BRD8: variants seen among roughly 807,000 people sequenced by gnomAD.
The protein encoded by BRD8 is bromodomain containing 8.
In BRD8, 67 loss-of-function variants were observed where a neutral mutation model predicts 143.1. The observed-to-expected ratio is 0.47, with a 90% CI of 0.38 to 0.57. The LOEUF is 0.57. Ranked by LOEUF, BRD8 falls within the 20% of genes least tolerant of loss-of-function variation. The pLI, the probability that BRD8 is intolerant of heterozygous loss-of-function variation, is 0.00. For missense variants in BRD8, 1,103 were observed against 1,503.0 expected, an observed-to-expected ratio of 0.73 and a Z score of 4.40; for synonymous variants, 505 against 517.1, an observed-to-expected ratio of 0.98 and a Z score of 0.32.
Position 138,171,136 on chromosome 5 carries a change from T to C in BRD8, c.261A>G (p.Glu87=). The C allele has an allele frequency of 6.2e-7, 1 of 1,612,620 alleles. No individual in the cohort carries two copies. The highest frequency in any genetic ancestry group is 1.1e-5 in the South Asian group (1 of 90,484). The change falls in exon 5 of 27, where the codon GAA becomes GAG. Residue 87 remains glutamate, a synonymous_variant. Coordinates refer to ENST00000254900, the MANE Select transcript of BRD8 (RefSeq NM_139199.2). ...TAACATCTTCAACAGTTTCCACCAC[T>C]TCTCCCTTTTCACCTCGTTTCCGTC... ...TPKRKRGEKG[E]VVETVEDVIV... is the part of the protein sequence containing the mutation.
At chr5:138,144,575 T>G (rs188595841) in intron 25 of BRD8, among the ~76,000 whole-genome samples, 2 of 152,256 alleles carry the variant, frequency 1.3e-5, no homozygotes, top group East Asian at 3.9e-4. Context: ...AAAAGAATAG[T>G]GTCAAAAACA....
intron 10 of BRD8, 169 bp downstream of exon 10, chr5:138,166,349 C>G: frequency 1.6e-6 from 1 of 621,704 alleles, no homozygotes; most frequent in Non-Finnish European, 2.8e-6. Flanking sequence ...TGCCCACCCA[C>G]CTCTTCTCAC....
At chr5:138,178,566 C>G (rs1440681099) in intron 1 of BRD8, 30 bp downstream of exon 1, 2 of 1,609,372 alleles carry the variant, frequency 1.2e-6, no homozygotes, top group Non-Finnish European at 1.7e-6. Flanking sequence ...CTACAAAGGC[C>G]TTTCACGCAA....
At chr5:138,162,199 A>G in intron 15 of BRD8, 53 bp from the exon 16 acceptor site, 1 of 1,395,208 alleles carries the variant, frequency 7.2e-7, no homozygotes, top group South Asian at 1.3e-5. Context: ...AATAAAAATT[A>G]TAATTCTCTT....
At chr5:138,161,593 AGCCACC>A (rs1312251204) in intron 17 of BRD8, among the ~76,000 whole-genome samples, 197 bp downstream of exon 17, 1 of 152,222 alleles carries the variant, frequency 6.6e-6, no homozygotes, top group Non-Finnish European at 1.5e-5. Flanking sequence ...TACAGGCGTG[AGCCACC>A]GCTCCTGGTG....
At chr5:138,163,605 G>A in intron 14 of BRD8, 1 of 1,435,618 alleles carries the variant, frequency 7.0e-7, no homozygotes, top group Non-Finnish European at 9.2e-7. Context: ...AAGCTAAGAG[G>A]CGTTCCTTCT....
Position 138,167,937 on chromosome 5 carries a change from A to G in BRD8, c.784T>C (p.Ser262Pro), listed in dbSNP as rs570104338. 3 of 1,613,544 alleles carry G rather than the reference A, an allele frequency of 1.9e-6. No individual in the cohort carries two copies. The highest frequency in any genetic ancestry group is 3.3e-5 in the Admixed American group (2 of 60,032). The change falls in exon 9 of 27, where the codon TCA (serine) becomes CCA (proline). Residue 262 changes from serine to proline, a missense_variant. Ser to Pro is a moderately conservative substitution (Grantham distance 74). This residue lies in a region of BRD8 where 334 missense variants were observed against 372.5 expected (regional missense o/e 0.90). Coordinates refer to ENST00000254900, the MANE Select transcript of BRD8 (RefSeq NM_139199.2). ...TAAAGGAAAAGTGGTAACTTACCTG[A>G]TGCAGCAGGGGAGGCTGCAACAGTA... ...PNTVAASPAA[S>P]GAPTLSRLLE...
Position 138,165,780 on chromosome 5 carries a change from GC to G in BRD8, c.1278+47del, listed in dbSNP as rs779570404. ...CACCAAAGTGAGGCTGAAAAGAGAA[GC>G]CTATGTAGGACCCATGAGATTCTCT... On this transcript the variant is annotated intron_variant, in intron 11 of 26. Coordinates refer to ENST00000254900, the MANE Select transcript of BRD8 (RefSeq NM_139199.2). 4.0e-6 allele frequency: 6 copies of G among 1,496,860 alleles called. No homozygotes were observed. In the East Asian group the frequency reaches 1.1e-4, roughly 29 times the overall value. 92.7% of individuals were successfully genotyped at this position (1,496,860 alleles called of 1,614,324 possible).
At chr5:138,145,331 C>T (rs1475298741) in intron 24 of BRD8, 86 bp from the exon 25 acceptor site, 2 of 1,163,978 alleles carry the variant, frequency 1.7e-6, no homozygotes, top group African/African-American at 3.1e-5. Context: ...TAGTAGACTT[C>T]CTTTAGGGGA....
At chr5:138,143,069 G>A (rs1751978702) in intron 25 of BRD8, among the ~76,000 whole-genome samples, 1 of 152,130 alleles carries the variant, frequency 6.6e-6, no homozygotes, top group African/African-American at 2.4e-5. Flanking sequence ...TGAACTGCAT[G>A]AGCCCAGGAG....
chr5:138,151,083 T>C, intron 21 of BRD8, 75 bp from the exon 22 acceptor site: 24 of 1,515,026 alleles, frequency 1.6e-5, no homozygotes, highest in Non-Finnish European at 2.1e-5. Context: ...CAATGCCACA[T>C]GCTAACACTG....
chr5:138,163,812 T>C (rs1441915264), intron 14 of BRD8, among the ~76,000 whole-genome samples: 1 of 152,192 alleles, frequency 6.6e-6, no homozygotes, highest in East Asian at 1.9e-4. Context: ...TCCTGTATGT[T>C]CTCCTTGGCT....
In BRD8 at chr5:138,163,240, A is replaced by T. The variant is rs757520688; in HGVS notation, c.1977T>A (p.Asp659Glu). The T allele has an allele frequency of 6.2e-7, 1 of 1,614,130 alleles. No homozygotes were observed. Among genetic ancestry groups the T allele is most frequent in the Admixed American group, 1.7e-5 (1 of 60,004 alleles). Residue 659 changes from aspartate to glutamate, a missense_variant, in exon 15 of 27, where the codon GAT becomes GAA. Asp to Glu is a conservative substitution (Grantham distance 45). Around this residue, in one of 7 missense-constraint regions of BRD8, gnomAD observed 75 missense variants for 111.7 expected, o/e 0.67. Coordinates refer to ENST00000254900, the MANE Select transcript of BRD8 (RefSeq NM_139199.2). ...DQGEGYLSEMDNEPPVSESDD... is the reference protein window; with the variant it reads ...DQGEGYLSEMENEPPVSESDD... ...CACTCTCGCTCACAGGAGGTTCATT[A>T]TCCATTTCTGACAAGTAGCCTTCTC... is the stretch of plus-strand genomic sequence containing the variant.
chr5:138,156,946 A>T, intron 20 of BRD8: 4 of 1,274,476 alleles, frequency 3.1e-6, no homozygotes, highest in Non-Finnish European at 4.0e-6. Context: ...TTTTTTAAAA[A>T]GTCTGTACAA....
Position 138,145,801 on chromosome 5 carries a change from A to G in BRD8, c.3356T>C (p.Ile1119Thr), listed in dbSNP as rs572241884. The G allele has an allele frequency of 1.5e-5, 25 of 1,613,984 alleles. No homozygotes were observed. Among genetic ancestry groups the G allele is most frequent in the South Asian group, 1.4e-4 (13 of 91,082 alleles). The change falls in exon 24 of 27, where the codon ATT (isoleucine) becomes ACT (threonine). Residue 1119 changes from isoleucine (I) to threonine (T), a missense_variant. Ile to Thr is a moderately conservative substitution (Grantham distance 89). Coordinates refer to ENST00000254900, the MANE Select transcript of BRD8 (RefSeq NM_139199.2). ...KKTLLPVWKM[I>T]ASHRFSSPFL... is the part of the protein sequence containing the mutation. ...TTTGGAGACCTACCTGTGACTGGCA[A>G]TCATCTTCCAGACTGGCAGGAGAGT...
At position 138,163,112 on chromosome 5, in the gene BRD8, AGAAT is replaced by A; in HGVS notation, c.2087+14_2087+17del. 6.2e-7 allele frequency: 1 copy of A among 1,611,478 alleles called. No homozygotes were observed. ...CCTTCACTGCCTTGGCCTCAAAGAA[AGAAT>A]CTCAGATACTCACAACTGTGAAGAA... On this transcript the variant is annotated intron_variant, in intron 15 of 26. Transcript: ENST00000254900.
chr5:138,177,787 A>G (rs1285861793), intron 1 of BRD8, 120 bp from the exon 2 acceptor site: 14 of 565,614 alleles, frequency 2.5e-5, no homozygotes, highest in Non-Finnish European at 4.1e-5. Context: ...ACTTGTTAGG[A>G]CAAAGTGAGC....
intron 21 of BRD8, among the ~76,000 whole-genome samples, chr5:138,151,295 CTGTCTAGAATAAAGTGT>C (rs1194231121): frequency 6.6e-6 from 1 of 152,168 alleles, no homozygotes; most frequent in Non-Finnish European, 1.5e-5. Flanking sequence ...TTGGGAGTGG[CTGTCTAGAATAAAGTGT>C]TGAAAATTTT....
intron 17 of BRD8, 177 bp from the exon 18 acceptor site, chr5:138,161,245 T>G: frequency 1.9e-6 from 1 of 519,540 alleles, no homozygotes; most frequent in Non-Finnish European, 3.3e-6. Flanking sequence ...ATCTATATAA[T>G]AAGCATTGAG....
Sources: allele counts gnomAD v4.1 joint callset (sites outside exome capture counted in the v4.1 genomes callset), GRCh38; gene constraint gnomAD v4.1.1; regional missense constraint gnomAD v4.1.1; transcripts MANE v1.5; gene names NCBI Gene and HGNC (gene_info 2026-07-23, HGNC 2026-07-21).